The following ITGBL1 variants were observed in gnomAD, a reference collection of about 807,000 sequenced individuals.
The protein encoded by ITGBL1 is integrin subunit beta like 1.
In ITGBL1, 51 loss-of-function variants were observed where a neutral mutation model predicts 68.5. The ratio of observed to expected loss-of-function variants is 0.74; its 90% confidence interval spans 0.59 to 0.94. The LOEUF is 0.94. Among genes scored for constraint, ITGBL1 ranks in the 40% least tolerant of loss-of-function variants. The pLI, the probability that ITGBL1 is intolerant of heterozygous loss-of-function variation, is 0.00. For missense variants in ITGBL1, 649 were observed against 647.4 expected (o/e 1.00, Z -0.03); for synonymous variants, 209 against 227.3 (o/e 0.92, Z 0.72).
chr13:101,486,231 T>A (rs2048700787), intron 2 of ITGBL1, among the ~76,000 whole-genome samples: 1 of 152,148 alleles, frequency 6.6e-6, no homozygotes. Flanking sequence ...CTAAGTGAAG[T>A]AACTGAGGAA....
chr13:101,693,922 T>C (rs2033942012), intron 8 of ITGBL1, among the ~76,000 whole-genome samples: 1 of 152,178 alleles, frequency 6.6e-6, no homozygotes, highest in African/African-American at 2.4e-5. Flanking sequence ...GTCCCAATAA[T>C]GGAACACCAG....
At chr13:101,500,631 T>C in intron 2 of ITGBL1, among the ~76,000 whole-genome samples, 1 of 152,240 alleles carries the variant, frequency 6.6e-6, no homozygotes, top group East Asian at 1.9e-4. Flanking sequence ...CTGCCCCTTC[T>C]CTGATATTGG....
chr13:101,657,168 T>C (rs1460260046), intron 7 of ITGBL1, among the ~76,000 whole-genome samples: 1 of 152,204 alleles, frequency 6.6e-6, no homozygotes, highest in African/African-American at 2.4e-5. Context: ...TGTTTTAAGT[T>C]TGAATATGAA....
chr13:101,509,751 C>T (rs2139107050), intron 2 of ITGBL1, among the ~76,000 whole-genome samples: 1 of 152,188 alleles, frequency 6.6e-6, no homozygotes, highest in African/African-American at 2.4e-5. Context: ...AAATGACTTC[C>T]CATAGTCCCT....
rs1293898617 is a variant in ITGBL1, at chr13:101,716,154, T to C, written c.*500T>C. ...ACACAAGAAAGACCATATTAGAATC[T>C]AAGGAAAACATGCATATTCACATTA... On this transcript the variant is annotated 3_prime_UTR_variant, in exon 11 of 11. Transcript: ENST00000376180. The C allele has an allele frequency of 6.6e-6, 1 of 152,354 alleles. No homozygotes were observed. Among genetic ancestry groups the C allele is most frequent in the Non-Finnish European group, 1.5e-5 (1 of 68,156 alleles). The allele number at this position is 152,354 out of a possible 1,614,324, so 9.4% of individuals were successfully genotyped here. A position where few individuals can be genotyped will look rare whatever the true frequency, so the allele number is the denominator to read the frequency against.
chr13:101,597,643 C>T (rs532747126), intron 6 of ITGBL1, among the ~76,000 whole-genome samples: 2 of 151,928 alleles, frequency 1.3e-5, no homozygotes, highest in African/African-American at 2.4e-5. Context: ...TGTCTGCCCC[C>T]CTGGGTTCAA....
chr13:101,473,293 C>T (rs2048488424), intron 2 of ITGBL1, among the ~76,000 whole-genome samples: 1 of 152,162 alleles, frequency 6.6e-6, no homozygotes, highest in Non-Finnish European at 1.5e-5. Context: ...ACCATGCCTA[C>T]CCCATCCGCC....
chr13:101,651,546 G>A (rs369355012), intron 7 of ITGBL1, among the ~76,000 whole-genome samples: 4 of 152,132 alleles, frequency 2.6e-5, no homozygotes, highest in South Asian at 4.2e-4. Context: ...ATTTGTTTAA[G>A]TTCCTTGTAG....
chr13:101,507,195 T>TGAGA (rs1566706640), intron 2 of ITGBL1, among the ~76,000 whole-genome samples: 1 of 152,188 alleles, frequency 6.6e-6, no homozygotes, highest in Non-Finnish European at 1.5e-5. Context: ...ATTCATCTAT[T>TGAGA]GAGAAGTCAG....
At chr13:101,476,594 T>C (rs2048540282) in intron 2 of ITGBL1, among the ~76,000 whole-genome samples, 1 of 152,078 alleles carries the variant, frequency 6.6e-6, no homozygotes, top group African/African-American at 2.4e-5. Flanking sequence ...AATGAACATT[T>C]GCCCACAACT....
At chr13:101,553,792 T>C (rs1160948906) in intron 2 of ITGBL1, among the ~76,000 whole-genome samples, 1 of 152,068 alleles carries the variant, frequency 6.6e-6, no homozygotes, top group African/African-American at 2.4e-5. Flanking sequence ...CCCCCTTTTT[T>C]TGAGACAGAG....
intron 7 of ITGBL1, among the ~76,000 whole-genome samples, chr13:101,627,417 T>C (rs1488042209): frequency 6.6e-6 from 1 of 152,040 alleles, no homozygotes; most frequent in East Asian, 1.9e-4. Context: ...CCCACCACAG[T>C]AGGTCTATTG....
chr13:101,454,059 A>T lies in ITGBL1; in HGVS notation c.275A>T (p.His92Leu), dbSNP rs2048203791. 6 of 1,591,430 alleles carry T rather than the reference A, an allele frequency of 3.8e-6. No homozygotes were observed. The highest frequency in any genetic ancestry group is 4.3e-6 in the Non-Finnish European group (5 of 1,169,372). ...TTCTTCGGGCCCCTGTGTGAGTGCC[A>T]TGAGTGGGTGTGCGAGACCTACGAC... is the stretch of plus-strand genomic sequence containing the variant. ...GMFFGPLCECHEWVCETYDGS... is the reference protein window; with the variant it reads ...GMFFGPLCECLEWVCETYDGS... Residue 92 changes from histidine to leucine, a missense_variant, in exon 2 of 11, where the codon CAT (histidine) becomes CTT (leucine). Coordinates refer to ENST00000376180, the MANE Select transcript of ITGBL1 (RefSeq NM_004791.3).
intron 7 of ITGBL1, among the ~76,000 whole-genome samples, chr13:101,598,789 T>C (rs903327306): frequency 2.0e-5 from 3 of 152,184 alleles, no homozygotes; most frequent in Admixed American, 2.0e-4. Flanking sequence ...GGCTGCACAG[T>C]ATTCCATGCT....
In ITGBL1 at chr13:101,546,272, G is replaced by C. The variant is rs929847224; in HGVS notation, c.317-21427G>C. On this transcript the variant is annotated intron_variant, in intron 2 of 10. Transcript: ENST00000376180. ...GCAGTGGGCTACAAGGGATACTCAT[G>C]ATTTTGGTTTTCATTGTCGAGGTGG... 1.8e-4 allele frequency among the ~76,000 whole-genome samples: 27 copies of C among 152,134 alleles called. 1 individual carries two copies. Among genetic ancestry groups the C allele is most frequent in the African/African-American group, 6.5e-4 (27 of 41,434 alleles).
intron 7 of ITGBL1, among the ~76,000 whole-genome samples, chr13:101,673,915 C>G (rs1157471139): frequency 6.6e-6 from 1 of 152,068 alleles, no homozygotes; most frequent in Non-Finnish European, 1.5e-5. Context: ...TCAGAGTTAC[C>G]CAGAACAAGT....
At chr13:101,587,172 C>T (rs913526817) in intron 6 of ITGBL1, among the ~76,000 whole-genome samples, 1 of 152,158 alleles carries the variant, frequency 6.6e-6, no homozygotes, top group Admixed American at 6.5e-5. Flanking sequence ...TTTCCATTCT[C>T]TCCATTTATC....
intron 7 of ITGBL1, among the ~76,000 whole-genome samples, chr13:101,619,177 G>T (rs370130319): frequency 6.6e-6 from 1 of 151,996 alleles, no homozygotes; most frequent in Non-Finnish European, 1.5e-5. Context: ...AGCACAACAG[G>T]ACAAAATAAT....
At chr13:101,578,743 A>G (rs1351550145) in intron 4 of ITGBL1, among the ~76,000 whole-genome samples, 2 of 152,246 alleles carry the variant, frequency 1.3e-5, no homozygotes, top group Non-Finnish European at 2.9e-5. Context: ...AGGATTAAAC[A>G]TGGACTAGGC....
Sources: allele counts gnomAD v4.1 joint callset (sites outside exome capture counted in the v4.1 genomes callset), GRCh38; gene constraint gnomAD v4.1.1; transcripts MANE v1.5; gene names NCBI Gene and HGNC (gene_info 2026-07-23, HGNC 2026-07-21).